SPART: variants seen among roughly 807,000 people sequenced by gnomAD.
SPART encodes spartin, also known as spastic paraplegia 20 (Troyer syndrome).
In SPART, 35 loss-of-function variants were observed where a neutral mutation model predicts 58.7. The observed-to-expected ratio is 0.60, with a 90% CI of 0.46 to 0.79. The LOEUF (loss-of-function observed/expected upper bound fraction) is 0.79. Among genes scored for constraint, SPART ranks in the 30% least tolerant of loss-of-function variants. SPART has a pLI of 0.00. For synonymous variants in SPART, 284 were observed against 280.7 expected (o/e 1.01, Z -0.12); for missense variants, 730 against 786.1 (o/e 0.93, Z 0.85).
rs377498366 is a variant in SPART at position 36,335,786 on chromosome 13, G to T, written c.45C>A (p.Ile15=). 2.0e-5 allele frequency: 32 copies of T among 1,613,502 alleles called. No homozygotes were observed. Among genetic ancestry groups the T allele is most frequent in the Admixed American group, 3.3e-5 (2 of 59,990 alleles). The change falls in exon 2 of 9, where the codon ATC becomes ATA. Residue 15 remains isoleucine, a synonymous_variant. Coordinates refer to ENST00000438666, the MANE Select transcript of SPART (RefSeq NM_015087.5). ...AGGCCTTCTTATATGCTTCTCTGAT[G>T]ATCTTAATTTCAGCAGGTTCTCCAT... ...PQNGEPAEIK[I]IREAYKKAFL...
chr13:36,347,940 A>G (rs969016484), upstream of SPART, among the ~76,000 whole-genome samples: 1 of 152,158 alleles, frequency 6.6e-6, no homozygotes, highest in Middle Eastern at 3.2e-3. Flanking sequence ...TTTCTTCTTG[A>G]ACTCATATTT....
At chr13:36,326,243 G>A (rs1882920032) in intron 5 of SPART, 1 of 345,270 alleles carries the variant, frequency 2.9e-6, no homozygotes, top group Non-Finnish European at 5.5e-6. Flanking sequence ...TGAGGGACAG[G>A]GGTAGGGGGA....
chr13:36,312,288 T>A (rs756857229), intron 7 of SPART, 31 bp downstream of exon 7: 4 of 1,613,922 alleles, frequency 2.5e-6, no homozygotes, highest in Non-Finnish European at 3.4e-6. Flanking sequence ...CAAACGGACC[T>A]TCATAGTTAA....
intron 6 of SPART, 48 bp from the exon 7 acceptor site, chr13:36,312,525 CTTGA>C: frequency 6.4e-7 from 1 of 1,565,350 alleles, no homozygotes; most frequent in Non-Finnish European, 8.8e-7. Flanking sequence ...ATATTATTCC[CTTGA>C]TTTTTACCAC....
chr13:36,358,948 G>A (rs1407513477), intron 1 of SPART, among the ~76,000 whole-genome samples: 2 of 152,062 alleles, frequency 1.3e-5, no homozygotes, highest in Non-Finnish European at 2.9e-5. Context: ...GTTTTGGGGG[G>A]CCAAGTGGAA....
intron 8 of SPART, among the ~76,000 whole-genome samples, chr13:36,306,794 A>G (rs1349630698): frequency 6.6e-6 from 1 of 152,242 alleles, no homozygotes; most frequent in Non-Finnish European, 1.5e-5. Context: ...AATGCCAACT[A>G]TGCCAGTAAC....
intron 1 of SPART, among the ~76,000 whole-genome samples, chr13:36,343,037 T>C (rs953203079): frequency 6.6e-6 from 1 of 152,198 alleles, no homozygotes; most frequent in African/African-American, 2.4e-5. Flanking sequence ...AGACCCTCCT[T>C]TAATTTAGGC....
At position 36,335,326 on chromosome 13, in the gene SPART, C is replaced by T. The variant is rs774394789; in HGVS notation, c.505G>A (p.Glu169Lys). The T allele has an allele frequency of 3.7e-6, 6 of 1,614,058 alleles. No individual in the cohort carries two copies. Among genetic ancestry groups the T allele is most frequent in the Non-Finnish European group, 4.2e-6 (5 of 1,179,974 alleles). The stretch of plus-strand genomic sequence containing the variant: ...TGAGGAGTATAAGCAGGAGGAGCTT[C>T]TGCTGGACAACTTTGTGATGGTAAA... ...LSLPSQSCPA[E>K]APPAYTPQAA... Residue 169 changes from glutamate to lysine, a missense_variant, in exon 2 of 9, where the codon GAA (glutamate) becomes AAA (lysine). Glu to Lys is a moderately conservative substitution (Grantham distance 56, BLOSUM62 1). Coordinates refer to ENST00000438666, the MANE Select transcript of SPART (RefSeq NM_015087.5).
intron 1 of SPART, among the ~76,000 whole-genome samples, chr13:36,344,949 ATGTC>A (rs1767778636): frequency 6.6e-6 from 1 of 152,264 alleles, no homozygotes; most frequent in Non-Finnish European, 1.5e-5. Flanking sequence ...AACTACATGT[ATGTC>A]TGTGTATGTC....
chr13:36,335,486 T>C lies in SPART; in HGVS notation c.345A>G (p.Pro115=), dbSNP rs1883909657. 6.2e-7 allele frequency: 1 copy of C among 1,614,030 alleles called. No individual in the cohort carries two copies. The highest frequency in any genetic ancestry group is 1.1e-5 in the South Asian group (1 of 91,084). ...NDLQEVPKLY[P]EFPPKDMCEK... ...CACACATGTCTTTAGGTGGAAATTC[T>C]GGATATAACTTGGGCACCTCCTGAA... Residue 115 remains proline, a synonymous_variant, in exon 2 of 9, where the codon CCA becomes CCG. Transcript: ENST00000438666.
intron 1 of SPART, among the ~76,000 whole-genome samples, chr13:36,353,283 G>A (rs558359868): frequency 6.6e-6 from 1 of 152,302 alleles, no homozygotes; most frequent in South Asian, 2.1e-4. Context: ...GAGCTCCTTA[G>A]GGAAAGGAAA....
At chr13:36,306,539 A>C (rs188998802) in intron 8 of SPART, among the ~76,000 whole-genome samples, 15 of 152,228 alleles carry the variant, frequency 9.9e-5, no homozygotes, top group African/African-American at 3.4e-4. Context: ...CCATATTCAC[A>C]AACTTCCACT....
In SPART at chr13:36,335,389, G is replaced by C; in HGVS notation, c.442C>G (p.Pro148Ala). The change falls in exon 2 of 9, where the codon CCA becomes GCA. Residue 148 changes from proline (P) to alanine (A), a missense_variant. Coordinates refer to ENST00000438666, the MANE Select transcript of SPART (RefSeq NM_015087.5). Reference sequence around the variant, plus strand: ...GGTGCAGCAACTGCCCCTGCACTTGGAGTTGAGGTGTTTCCATTTACTTCA... The same window carrying C: ...GGTGCAGCAACTGCCCCTGCACTTGCAGTTGAGGTGTTTCCATTTACTTCA... ...HAEVNGNTST[P>A]SAGAVAAPAS... 6.2e-7 allele frequency: 1 copy of C among 1,614,108 alleles called. No homozygotes were observed. Among genetic ancestry groups the C allele is most frequent in the South Asian group, 1.1e-5 (1 of 91,082 alleles).
At chr13:36,322,044 C>T (rs1882463613) in intron 5 of SPART, among the ~76,000 whole-genome samples, 1 of 152,112 alleles carries the variant, frequency 6.6e-6, no homozygotes, top group Admixed American at 6.6e-5. Context: ...TTTTCCTTTA[C>T]CTACCCAAAT....
rs1203170515 is a variant in SPART at position 36,319,308 on chromosome 13, C to T, written c.1289-4887G>A. On this transcript the variant is annotated intron_variant, in intron 5 of 8. Coordinates refer to ENST00000438666, the MANE Select transcript of SPART (RefSeq NM_015087.5). ...CCAATCCAAAGCCTCCTTTGCGTCC[C>T]CCTCTTGTATCCCCCCACCTTAACC... Among the ~76,000 whole-genome samples the T allele has an allele frequency of 2.8e-3, 424 of 149,654 alleles. 4 individuals are homozygous for T. Among genetic ancestry groups the T allele is most frequent in the African/African-American group, 9.0e-3 (364 of 40,448 alleles).
intron 1 of SPART, among the ~76,000 whole-genome samples, chr13:36,358,626 T>G (rs556323083): frequency 1.3e-5 from 2 of 152,320 alleles, no homozygotes; most frequent in Admixed American, 1.3e-4. Context: ...AATTTATATG[T>G]AGAGAAGTCC....
chr13:36,343,555 G>T (rs535703501), intron 1 of SPART, among the ~76,000 whole-genome samples: 2 of 152,236 alleles, frequency 1.3e-5, no homozygotes, highest in African/African-American at 4.8e-5. Flanking sequence ...TTAACCAAAA[G>T]TGTGCAAGAG....
chr13:36,319,377 T>C lies in SPART; in HGVS notation c.1289-4956A>G, dbSNP rs1360354455. ...CTACTCCCTTCTTGGCAACCGATCA[T>C]GCACCCCTTACCATCTCATTAAAAC... is the stretch of plus-strand genomic sequence containing the variant. On this transcript the variant is annotated intron_variant, in intron 5 of 8. Coordinates refer to ENST00000438666, the MANE Select transcript of SPART (RefSeq NM_015087.5). Among the ~76,000 whole-genome samples the C allele has an allele frequency of 4.1e-3, 609 of 148,880 alleles. 8 individuals are homozygous for C. Among genetic ancestry groups the C allele is most frequent in the African/African-American group, 0.013 (529 of 39,816 alleles).
intron 1 of SPART, among the ~76,000 whole-genome samples, chr13:36,342,525 TC>T (rs1310570071): frequency 5.9e-5 from 9 of 152,178 alleles, no homozygotes; most frequent in African/African-American, 1.7e-4. Flanking sequence ...GGTTTCTCAG[TC>T]TTGGCATGGT....
Sources: gnomAD v4.1 joint callset for allele counts (sites outside exome capture counted in the v4.1 genomes callset) on GRCh38, gnomAD v4.1.1 for gene constraint, MANE v1.5 for transcripts, NCBI Gene and HGNC (gene_info 2026-07-23, HGNC 2026-07-21) for gene names.